The following FRMPD4 variants were observed in gnomAD, a reference collection of about 807,000 sequenced individuals.
FRMPD4 encodes the protein FERM and PDZ domain containing 4.
In FRMPD4, 22 loss-of-function variants were observed where a neutral mutation model predicts 94.1. The observed-to-expected ratio is 0.23, with a 90% confidence interval of 0.17 to 0.33. The LOEUF (loss-of-function observed/expected upper bound fraction) is 0.33, where lower values mean the gene tolerates loss of function less well. Ranked by LOEUF, FRMPD4 falls within the 10% of genes least tolerant of loss-of-function variation. The probability of loss-of-function intolerance (pLI) is 1.00; values close to 1 mark genes in which losing one functional copy is unlikely to be tolerated. For missense variants in FRMPD4, 1,111 were observed against 1,339.9 expected (o/e 0.83, Z 2.67); for synonymous variants, 631 against 548.6 (o/e 1.15, Z -2.10).
At chrX:12,472,095 G>C (rs777225053) in intron 1 of FRMPD4, among the ~76,000 whole-genome samples, 3 of 112,113 alleles carry the variant, frequency 2.7e-5, no homozygotes, top group African/African-American at 6.5e-5. Context: ...GAAAAATTAA[G>C]ACCCCTATAT....
chrX:12,453,828 G>C (rs1329781044), intron 1 of FRMPD4, among the ~76,000 whole-genome samples: 1 of 112,044 alleles, frequency 8.9e-6, no homozygotes, highest in Non-Finnish European at 1.9e-5. Flanking sequence ...TGGATTATGA[G>C]TTTATTTATA....
At chrX:12,003,783 C>T (rs1384110082) in intron 3 of FRMPD4, among the ~76,000 whole-genome samples, 1 of 111,869 alleles carries the variant, frequency 8.9e-6, no homozygotes, top group Non-Finnish European at 1.9e-5. Context: ...TTTCACTTTC[C>T]CCTTTAAAAA....
At chrX:12,267,699 A>G (rs2054295913) in intron 1 of FRMPD4, among the ~76,000 whole-genome samples, 1 of 112,864 alleles carries the variant, frequency 8.9e-6, no homozygotes, top group South Asian at 3.6e-4. Context: ...ATTTTGCTGT[A>G]GGCAGGGATA....
intron 4 of FRMPD4, among the ~76,000 whole-genome samples, chrX:12,663,029 G>T (rs180709145): frequency 1.5e-4 from 17 of 111,969 alleles, no homozygotes; most frequent in East Asian, 5.5e-4. Flanking sequence ...CATATCCTTC[G>T]CCCATTTTTT....
chrX:12,582,237 T>TG (rs2058873545), intron 2 of FRMPD4, among the ~76,000 whole-genome samples: 1 of 112,570 alleles, frequency 8.9e-6, no homozygotes, highest in African/African-American at 3.2e-5. Context: ...TCCCTGAAGA[T>TG]GGTTGCTTTC....
chrX:11,924,075 A>T (rs1357068857), intron 3 of FRMPD4, among the ~76,000 whole-genome samples: 1 of 112,474 alleles, frequency 8.9e-6, no homozygotes, highest in African/African-American at 3.2e-5. Flanking sequence ...TAGCCAGTAT[A>T]GAGGAGAATG....
intron 1 of FRMPD4, among the ~76,000 whole-genome samples, chrX:12,407,522 G>A (rs1483694857): frequency 9.0e-6 from 1 of 111,662 alleles, no homozygotes; most frequent in Non-Finnish European, 1.9e-5. Flanking sequence ...TGACTGTTGA[G>A]GGCTATAAAT....
At chrX:12,317,560 A>C (rs1258031520) in intron 1 of FRMPD4, among the ~76,000 whole-genome samples, 2 of 105,595 alleles carry the variant, frequency 1.9e-5, no homozygotes, top group Non-Finnish European at 3.9e-5. Context: ...ACTAGAATAT[A>C]CAAGGAAGTC....
At chrX:11,999,573 A>G (rs2147404197) in intron 3 of FRMPD4, among the ~76,000 whole-genome samples, 1 of 112,422 alleles carries the variant, frequency 8.9e-6, no homozygotes, top group South Asian at 3.7e-4. Context: ...TTGACGTTAA[A>G]GCATGTTTGA....
At chrX:11,885,840 C>A (rs1056276079) in intron 3 of FRMPD4, among the ~76,000 whole-genome samples, 9 of 111,475 alleles carry the variant, frequency 8.1e-5, no homozygotes, top group African/African-American at 2.3e-4. Context: ...GCATGTTATC[C>A]CCTTGCCCAA....
intron 1 of FRMPD4, among the ~76,000 whole-genome samples, chrX:12,344,577 T>C (rs377034337): frequency 1.8e-5 from 2 of 112,410 alleles, no homozygotes; most frequent in South Asian, 3.7e-4. Flanking sequence ...ATTTTAATGC[T>C]TTGACCCTGT....
intron 1 of FRMPD4, among the ~76,000 whole-genome samples, chrX:12,198,884 TTGAACTC>T (rs1282970709): frequency 7.1e-5 from 8 of 112,491 alleles, no homozygotes; most frequent in Non-Finnish European, 1.3e-4. Context: ...GACTGACAGT[TTGAACTC>T]TGTTGAATGA....
At chrX:12,350,141 A>G (rs1046140021) in intron 1 of FRMPD4, among the ~76,000 whole-genome samples, 2 of 111,579 alleles carry the variant, frequency 1.8e-5, no homozygotes, top group Non-Finnish European at 3.8e-5. Context: ...AAAAATTATT[A>G]TATATAATTA....
At chrX:12,473,568 C>A (rs1490548149) in intron 1 of FRMPD4, among the ~76,000 whole-genome samples, 4 of 109,193 alleles carry the variant, frequency 3.7e-5, no homozygotes, top group Non-Finnish European at 7.6e-5. Flanking sequence ...TTCAGGAAAC[C>A]CACCTCATGT....
chrX:12,413,393 A>G (rs1011311246), intron 1 of FRMPD4, among the ~76,000 whole-genome samples: 14 of 112,206 alleles, frequency 1.2e-4, no homozygotes, highest in Non-Finnish European at 7.5e-5. Context: ...GAATCTTTGT[A>G]TTGGGGTCTC....
rs778885714 is a variant in FRMPD4 at position 12,138,827 on chromosome X, T to C, written c.-145T>C. ...AGCCGCCGCCTCCAGGTGCAGGTTCTCTCCGGCCGCCGCCGCCACCCGCTG... is the reference window on the plus strand; with the variant it reads ...AGCCGCCGCCTCCAGGTGCAGGTTCCCTCCGGCCGCCGCCGCCACCCGCTG... On this transcript the variant is annotated 5_prime_UTR_variant, in exon 1 of 17. Transcript: ENST00000675598. The C allele has an allele frequency of 4.7e-6, 2 of 429,636 alleles. No homozygotes were observed. Among genetic ancestry groups the C allele is most frequent in the Admixed American group, 9.3e-5 (2 of 21,490 alleles). The allele number at this position is 429,636 out of a possible 1,213,427, so 35.4% of individuals were successfully genotyped here. A position where few individuals can be genotyped will look rare whatever the true frequency, so the allele number is the denominator to read the frequency against.
chrX:11,829,611 A>G (rs1035128546), intron 1 of FRMPD4, among the ~76,000 whole-genome samples: 1 of 111,302 alleles, frequency 9.0e-6, no homozygotes, highest in Non-Finnish European at 1.9e-5. Context: ...GTTTGGAAGG[A>G]TTAGTGTCCT....
At chrX:12,359,421 A>T (rs2055946681) in intron 1 of FRMPD4, among the ~76,000 whole-genome samples, 1 of 110,616 alleles carries the variant, frequency 9.0e-6, no homozygotes, top group Non-Finnish European at 1.9e-5. Flanking sequence ...TCAAGGAACC[A>T]CTGCTGTGTT....
intron 3 of FRMPD4, among the ~76,000 whole-genome samples, chrX:11,987,952 G>T (rs1207888331): frequency 9.0e-6 from 1 of 110,970 alleles, no homozygotes; most frequent in African/African-American, 3.3e-5. Context: ...ACAAAAAATG[G>T]AAAGATATTC....
Sources: gnomAD v4.1 joint callset for allele counts (sites outside exome capture counted in the v4.1 genomes callset) on GRCh38, gnomAD v4.1.1 for gene constraint, MANE v1.5 for transcripts, NCBI Gene and HGNC (gene_info 2026-07-23, HGNC 2026-07-21) for gene names.